Variants in SLC14A2 observed in about 807,000 individuals in gnomAD.
SLC14A2 encodes urea transporter 2.
In SLC14A2, 91 loss-of-function variants were observed where a neutral mutation model predicts 104.6. The observed-to-expected ratio is 0.87, with a 90% CI of 0.73 to 1.04. The LOEUF (loss-of-function observed/expected upper bound fraction) is 1.04, where lower values mean the gene tolerates loss of function less well. SLC14A2 is among the 50% of genes least tolerant of loss of function. The probability of loss-of-function intolerance (pLI) is 0.00; values close to 1 mark genes in which losing one functional copy is unlikely to be tolerated. For synonymous variants in SLC14A2, 476 were observed against 466.4 expected, an observed-to-expected ratio of 1.02 and a Z score of -0.27; for missense variants, 1,189 against 1,156.0, an observed-to-expected ratio of 1.03 and a Z score of -0.41.
intron 2 of SLC14A2, among the ~76,000 whole-genome samples, chr18:45,560,936 C>T (rs983276197): frequency 2.0e-5 from 3 of 152,182 alleles, no homozygotes; most frequent in Admixed American, 2.0e-4. Context: ...ATTCTCTTCT[C>T]TTCTGCTTAA....
At chr18:45,246,726 C>T (rs1429945934) in intron 1 of SLC14A2, among the ~76,000 whole-genome samples, 3 of 152,032 alleles carry the variant, frequency 2.0e-5, no homozygotes, top group Non-Finnish European at 4.4e-5. Context: ...GTGTGTGCCG[C>T]CACACTGGGC....
intron 2 of SLC14A2, among the ~76,000 whole-genome samples, chr18:45,550,867 C>A (rs2044046795): frequency 6.6e-6 from 1 of 152,140 alleles, no homozygotes; most frequent in Admixed American, 6.6e-5. Context: ...CTGAGAGATA[C>A]AGTGCCAACA....
At chr18:45,343,523 G>A (rs1398867087) in intron 1 of SLC14A2, among the ~76,000 whole-genome samples, 4 of 152,072 alleles carry the variant, frequency 2.6e-5, no homozygotes, top group Non-Finnish European at 4.4e-5. Flanking sequence ...AGGATTCCAT[G>A]TCTCTCCATC....
At chr18:45,176,786 C>T in the SLC14A2 span, among the ~76,000 whole-genome samples, 14 of 152,276 alleles carry the variant, frequency 9.2e-5, no homozygotes, top group East Asian at 1.9e-4. Flanking sequence ...TTCCACATGG[C>T]TCAGTCCTAA....
chr18:45,223,757 A>T (rs1009330272), intron 1 of SLC14A2, among the ~76,000 whole-genome samples: 1 of 152,134 alleles, frequency 6.6e-6, no homozygotes, highest in Non-Finnish European at 1.5e-5. Context: ...GAGGCAGGAG[A>T]TCAATTGCCT....
At chr18:45,282,532 G>T (rs1478212498) in intron 1 of SLC14A2, among the ~76,000 whole-genome samples, 1 of 152,136 alleles carries the variant, frequency 6.6e-6, no homozygotes, top group Non-Finnish European at 1.5e-5. Context: ...TGCCTTCAAA[G>T]AATGATCTCA....
intron 4 of SLC14A2, among the ~76,000 whole-genome samples, chr18:45,628,016 AAAAAG>A (rs1471435384): frequency 1.4e-3 from 202 of 148,250 alleles, no homozygotes; most frequent in African/African-American, 2.5e-3. Context: ...AAAAAAAAAA[AAAAAG>A]AAAAGAAAAA....
intron 1 of SLC14A2, among the ~76,000 whole-genome samples, chr18:45,415,241 T>C (rs2086264802): frequency 6.6e-6 from 1 of 152,140 alleles, no homozygotes; most frequent in Admixed American, 6.6e-5. Flanking sequence ...AGAAACATGC[T>C]TTGGATCAGA....
At chr18:45,174,925 A>AC in the SLC14A2 span, among the ~76,000 whole-genome samples, 1 of 152,148 alleles carries the variant, frequency 6.6e-6, no homozygotes, top group Non-Finnish European at 1.5e-5. Flanking sequence ...CTGCAATCCC[A>AC]TTTTTTACTT....
intron 1 of SLC14A2, among the ~76,000 whole-genome samples, chr18:45,412,524 C>A (rs1217417902): frequency 6.6e-6 from 1 of 152,192 alleles, no homozygotes; most frequent in Non-Finnish European, 1.5e-5. Flanking sequence ...TTCATCATCA[C>A]TTCTAGAGCC....
chr18:45,244,855 C>T (rs1480000149), intron 1 of SLC14A2, among the ~76,000 whole-genome samples: 2 of 152,208 alleles, frequency 1.3e-5, no homozygotes, highest in African/African-American at 4.8e-5. Flanking sequence ...ACCCAATTGT[C>T]TCACATCTAT....
At chr18:45,332,783 T>C (rs137903304) in intron 1 of SLC14A2, among the ~76,000 whole-genome samples, 9 of 152,280 alleles carry the variant, frequency 5.9e-5, no homozygotes, top group African/African-American at 2.2e-4. Flanking sequence ...AGAGCTTAGA[T>C]TGAAATAAAA....
chr18:45,682,120 T>C (rs532083728), intron 19 of SLC14A2, among the ~76,000 whole-genome samples, 199 bp from the exon 20 acceptor site: 1 of 152,352 alleles, frequency 6.6e-6, no homozygotes, highest in South Asian at 2.1e-4. Context: ...AGTGGCTGCA[T>C]TTTGAAAACT....
chr18:45,676,519 T>A (rs2046231844), intron 18 of SLC14A2, among the ~76,000 whole-genome samples: 1 of 151,850 alleles, frequency 6.6e-6, no homozygotes, highest in Non-Finnish European at 1.5e-5. Context: ...CGGGTGGTTT[T>A]CAACCAGGGG....
At chr18:45,350,999 C>T (rs879651354) in intron 1 of SLC14A2, among the ~76,000 whole-genome samples, 1 of 152,144 alleles carries the variant, frequency 6.6e-6, no homozygotes. Context: ...AGAGAAATCT[C>T]AGCACTCCTG....
intron 1 of SLC14A2, among the ~76,000 whole-genome samples, chr18:45,223,182 C>T (rs1221535111): frequency 6.6e-6 from 1 of 152,040 alleles, no homozygotes; most frequent in Non-Finnish European, 1.5e-5. Flanking sequence ...GTTCAGTGAC[C>T]CACCCAAAGT....
intron 1 of SLC14A2, among the ~76,000 whole-genome samples, chr18:45,382,672 C>G (rs1310647198): frequency 3.3e-5 from 5 of 152,212 alleles, no homozygotes; most frequent in African/African-American, 1.2e-4. Context: ...GTATCTTAGG[C>G]TGAATCTCTC....
intron 10 of SLC14A2, 85 bp from the exon 11 acceptor site, chr18:45,663,700 G>T: frequency 1.4e-6 from 2 of 1,475,426 alleles, no homozygotes; most frequent in Non-Finnish European, 9.3e-7. Context: ...TCCAGCATCT[G>T]TGTGATTTTT....
At chr18:45,440,149 G>A (rs1310934111) in intron 1 of SLC14A2, among the ~76,000 whole-genome samples, 1 of 152,038 alleles carries the variant, frequency 6.6e-6, no homozygotes, top group African/African-American at 2.4e-5. Context: ...ATGAATATGG[G>A]CCACCTCTGG....
Sources: allele counts gnomAD v4.1 joint callset (sites outside exome capture counted in the v4.1 genomes callset), GRCh38; gene constraint gnomAD v4.1.1; transcripts MANE v1.5; gene names NCBI Gene and HGNC (gene_info 2026-07-23, HGNC 2026-07-21).